Variants in GALNT12 observed in about 807,000 individuals in gnomAD.
GALNT12 encodes the protein polypeptide N-acetylgalactosaminyltransferase 12, also known as UDP-GalNAc:polypeptide N-acetylgalactosaminyltransferase 12.
A neutral mutation model predicts 55.5 loss-of-function variants in GALNT12; 45 were observed. The ratio of observed to expected loss-of-function variants is 0.81; its 90% CI spans 0.64 to 1.04. The LOEUF is 1.04. GALNT12 is among the 50% of genes least tolerant of loss of function. GALNT12 has a pLI of 0.00. For missense variants in GALNT12, 709 were observed against 754.8 expected, an observed-to-expected ratio of 0.94 and a Z score of 0.71; for synonymous variants, 304 against 312.2, an observed-to-expected ratio of 0.97 and a Z score of 0.28.
chr9:98,816,619 A>T (rs1451019919), intron 1 of GALNT12, among the ~76,000 whole-genome samples: 1 of 151,032 alleles, frequency 6.6e-6, no homozygotes, highest in African/African-American at 2.4e-5. Flanking sequence ...TCACAGAAAC[A>T]CTTTTGTTTT....
chr9:98,826,460 A>G (rs1468299398), intron 2 of GALNT12, among the ~76,000 whole-genome samples: 1 of 152,156 alleles, frequency 6.6e-6, no homozygotes. Flanking sequence ...ATTGAAATAT[A>G]TTCACACACC....
rs746664562 is a variant in GALNT12 at position 98,832,045 on chromosome 9, G to A, written c.917+88G>A. 33 of 1,179,804 alleles carry A rather than the reference G, an allele frequency of 2.8e-5. 1 individual carries two copies. In the South Asian group the frequency reaches 4.0e-4, roughly 14 times the overall value. 73.1% of individuals were successfully genotyped at this position (1,179,804 alleles called of 1,614,324 possible). A position where few individuals can be genotyped will look rare whatever the true frequency, so the allele number is the denominator to read the frequency against. ...GTGAGCGGAGGCCCTCGGGAGGAAT[G>A]GTTAGCTGTCAGCTTAACTACCTCC... On this transcript the variant is annotated intron_variant, in intron 4 of 9. Transcript: ENST00000375011.
At chr9:98,847,893 A>C (rs2118515396) in intron 9 of GALNT12, among the ~76,000 whole-genome samples, 1 of 149,792 alleles carries the variant, frequency 6.7e-6, no homozygotes, top group East Asian at 2.0e-4. Flanking sequence ...GCTCACTGCA[A>C]CCTCTGCCTC....
chr9:98,843,455 G>A (rs1243686029), intron 7 of GALNT12, among the ~76,000 whole-genome samples: 2 of 150,860 alleles, frequency 1.3e-5, no homozygotes, highest in Non-Finnish European at 2.9e-5. Flanking sequence ...TGCCCAGGCT[G>A]GAGTGCAGTG....
rs1835865665 is a variant in GALNT12, at chr9:98,826,787, G to T, written c.577G>T (p.Gly193Ter). 6.2e-7 allele frequency: 1 copy of T among 1,611,716 alleles called. No homozygotes were observed. The highest frequency in any genetic ancestry group is 1.1e-5 in the South Asian group (1 of 90,766). The change falls in exon 3 of 10, where the codon GGA becomes TGA. Residue 193 changes from glycine to a stop codon, truncating the protein, a stop_gained. Coordinates refer to ENST00000375011, the MANE Select transcript of GALNT12 (RefSeq NM_024642.5). LOFTEE classifies it high-confidence loss of function. ...LKERLANELS[G>*]LPKVRLIRAN... ...GGAGCGCTTGGCCAATGAGCTTTCG[G>T]GACTGCCCAAGGTGCGCCTGATCCG... is the stretch of plus-strand genomic sequence containing the variant.
intron 1 of GALNT12, among the ~76,000 whole-genome samples, chr9:98,812,504 T>G (rs2118286100): frequency 6.6e-6 from 1 of 152,226 alleles, no homozygotes; most frequent in Middle Eastern, 3.4e-3. Context: ...GGCAGGAGAA[T>G]TACTTGAACC....
intron 2 of GALNT12, among the ~76,000 whole-genome samples, chr9:98,823,637 C>G (rs1835796785): frequency 6.6e-6 from 1 of 152,152 alleles, no homozygotes; most frequent in Non-Finnish European, 1.5e-5. Context: ...GTTTCTGGGA[C>G]TGTTCATTTC....
At position 98,809,715 on chromosome 9, in the gene GALNT12, C is replaced by T. The variant is rs12115445; in HGVS notation, c.371+1646C>T. On this transcript the variant is annotated intron_variant, in intron 1 of 9. Coordinates refer to ENST00000375011, the MANE Select transcript of GALNT12 (RefSeq NM_024642.5). ...ACCTTTCCCTGTTGCCAAGAATGTA[C>T]TCAAGAGGTTGCTTTTGAGAGTCAT... Among the ~76,000 whole-genome samples the T allele has an allele frequency of 5.4e-3, 821 of 152,330 alleles. 7 individuals carry two copies. Among genetic ancestry groups the T allele is most frequent in the African/African-American group, 0.018 (735 of 41,580 alleles).
chr9:98,823,275 G>C lies in GALNT12; in HGVS notation c.391G>C (p.Asp131His). The part of the protein sequence containing the change: ...WNPLCKEKKY[D>H]YDNLPRTSVI... Reference sequence around the variant, plus strand: ...TTGCAGGTGCAAAGAGAAGAAATATGATTATGATAATTTGCCCAGGACATC... The same window carrying C: ...TTGCAGGTGCAAAGAGAAGAAATATCATTATGATAATTTGCCCAGGACATC... The change falls in exon 2 of 10, where the codon GAT becomes CAT. Residue 131 changes from aspartate (D) to histidine (H), a missense_variant. Asp to His is a moderately conservative substitution (Grantham distance 81). Coordinates refer to ENST00000375011, the MANE Select transcript of GALNT12 (RefSeq NM_024642.5). 1 of 1,614,170 alleles carries C rather than the reference G, an allele frequency of 6.2e-7. No individual in the cohort carries two copies. The highest frequency in any genetic ancestry group is 1.1e-5 in the South Asian group (1 of 91,076).
intron 7 of GALNT12, among the ~76,000 whole-genome samples, 162 bp downstream of exon 7, chr9:98,840,295 T>G (rs1172417003): frequency 6.6e-6 from 1 of 151,172 alleles, no homozygotes; most frequent in Non-Finnish European, 1.5e-5. Context: ...CTGCCCTTCT[T>G]TCTCCCTGTG....
chr9:98,840,309 G>A (rs1050954657), intron 7 of GALNT12, among the ~76,000 whole-genome samples, 176 bp downstream of exon 7: 3 of 149,150 alleles, frequency 2.0e-5, no homozygotes, highest in South Asian at 4.3e-4. Context: ...CCCTGTGAGC[G>A]TCTGGGCCGT....
At chr9:98,816,225 A>G (rs554759160) in intron 1 of GALNT12, among the ~76,000 whole-genome samples, 4 of 152,304 alleles carry the variant, frequency 2.6e-5, no homozygotes, top group African/African-American at 9.6e-5. Context: ...ATGTATGTTG[A>G]TATGAGATCA....
intron 1 of GALNT12, among the ~76,000 whole-genome samples, chr9:98,821,182 G>T (rs1439072095): frequency 6.6e-6 from 1 of 152,060 alleles, no homozygotes; most frequent in Non-Finnish European, 1.5e-5. Context: ...GCTAATTTTT[G>T]TATTTTTAGT....
At chr9:98,841,817 C>T (rs1219657789) in intron 7 of GALNT12, among the ~76,000 whole-genome samples, 2 of 151,768 alleles carry the variant, frequency 1.3e-5, no homozygotes, top group Non-Finnish European at 2.9e-5. Flanking sequence ...ATTATAGGCA[C>T]CTGCCACCAT....
chr9:98,837,192 A>G (rs754552603), intron 6 of GALNT12, 44 bp downstream of exon 6: 1 of 1,595,288 alleles, frequency 6.3e-7, no homozygotes, highest in Non-Finnish European at 8.6e-7. Context: ...CTTCATCTGA[A>G]CAACAGCAGC....
At position 98,838,898 on chromosome 9, in the gene GALNT12, T is replaced by A. The variant is rs186213251; in HGVS notation, c.1213-1104T>A. Among the ~76,000 whole-genome samples, 22 of 152,324 alleles carry A rather than the reference T, an allele frequency of 1.4e-4. 1 individual carries two copies. Among genetic ancestry groups the A allele is most frequent in the Middle Eastern group, 3.4e-3 (1 of 294 alleles). ...TTGGAAGGAACTTGTCCAGGCCCTG[T>A]GGCTGATAGGAGGTAGAACTGGGCT... is the stretch of plus-strand genomic sequence containing the variant. On this transcript the variant is annotated intron_variant, in intron 6 of 9. Coordinates refer to ENST00000375011, the MANE Select transcript of GALNT12 (RefSeq NM_024642.5).
At chr9:98,823,058 AG>A (rs1175173212) in intron 1 of GALNT12, among the ~76,000 whole-genome samples, 197 bp from the exon 2 acceptor site, 1 of 152,162 alleles carries the variant, frequency 6.6e-6, no homozygotes, top group Non-Finnish European at 1.5e-5. Flanking sequence ...CCACAGTAAA[AG>A]CTAGGTGGGT....
intron 1 of GALNT12, among the ~76,000 whole-genome samples, chr9:98,810,784 A>G (rs1371160023): frequency 6.6e-6 from 1 of 152,168 alleles, no homozygotes; most frequent in Non-Finnish European, 1.5e-5. Flanking sequence ...TTTACATGCC[A>G]GTGGATTCGA....
chr9:98,825,449 C>A (rs1835836859), intron 2 of GALNT12, among the ~76,000 whole-genome samples: 1 of 152,156 alleles, frequency 6.6e-6, no homozygotes, highest in Non-Finnish European at 1.5e-5. Flanking sequence ...GCCTCCCCTC[C>A]CCACCATTTC....
Sources: allele counts gnomAD v4.1 joint callset (sites outside exome capture counted in the v4.1 genomes callset), GRCh38; gene constraint gnomAD v4.1.1; transcripts MANE v1.5; gene names NCBI Gene and HGNC (gene_info 2026-07-23, HGNC 2026-07-21).